Variants in RPS6 observed in about 807,000 individuals in gnomAD.
RPS6 encodes ribosomal protein S6.
A neutral mutation model predicts 27.1 loss-of-function variants in RPS6; 1 was observed. The observed-to-expected ratio is 0.04, with a 90% CI of 0.01 to 0.18. The LOEUF (loss-of-function observed/expected upper bound fraction) is 0.18. Among genes scored for constraint, RPS6 ranks in the 10% least tolerant of loss-of-function variants. The probability of loss-of-function intolerance (pLI) is 1.00; values close to 1 mark genes in which losing one functional copy is unlikely to be tolerated. For missense variants in RPS6, 259 were observed against 319.1 expected, an observed-to-expected ratio of 0.81 and a Z score of 1.44; for synonymous variants, 152 against 106.0, an observed-to-expected ratio of 1.43 and a Z score of -2.66.
At chr9:19,378,259 G>C in intron 4 of RPS6, 109 bp downstream of exon 4, 1 of 1,076,478 alleles carries the variant, frequency 9.3e-7, no homozygotes, top group African/African-American at 1.6e-5. Context: ...AACTCCAAGT[G>C]AATAGTGCTA....
In RPS6 at chr9:19,376,800, T is replaced by G. The variant is rs1175003511; in HGVS notation, c.497-149A>C. 3 of 649,152 alleles carry G rather than the reference T, an allele frequency of 4.6e-6. No individual in the cohort carries two copies. The South Asian group carries it at 9.0e-5, about 19-fold the overall frequency. The allele number at this position is 649,152 out of a possible 1,614,324, so 40.2% of individuals were successfully genotyped here. ...AAATCAAATCAGAACTATTCTAAAATGCTTTTTGCCCCTCCACAGAAATCT... is the reference window on the plus strand; with the variant it reads ...AAATCAAATCAGAACTATTCTAAAAGGCTTTTTGCCCCTCCACAGAAATCT... On this transcript the variant is annotated intron_variant, in intron 4 of 5. Transcript: ENST00000380394.
intron 2 of RPS6, chr9:19,379,188 C>T: frequency 1.0e-6 from 1 of 971,404 alleles, no homozygotes; most frequent in Non-Finnish European, 1.5e-6. Flanking sequence ...CAGCAACAAA[C>T]AAATCAGATA....
chr9:19,379,984 C>T, intron 1 of RPS6: 1 of 1,454,394 alleles, frequency 6.9e-7, no homozygotes, highest in Non-Finnish European at 9.0e-7. Flanking sequence ...CCATGGCGCT[C>T]CCGGCCCGCC....
intron 4 of RPS6, 163 bp from the exon 5 acceptor site, chr9:19,376,814 C>T (rs1589012405): frequency 1.8e-6 from 1 of 552,108 alleles, no homozygotes; most frequent in African/African-American, 1.9e-5. Context: ...TTTTGCCCCT[C>T]CACAGAAATC....
intron 4 of RPS6, among the ~76,000 whole-genome samples, chr9:19,377,855 T>C (rs759150242): frequency 6.6e-6 from 1 of 152,210 alleles, no homozygotes; most frequent in Non-Finnish European, 1.5e-5. Context: ...ACTTCTTTTG[T>C]AAGCCAAAAA....
Position 19,376,148 on chromosome 9 carries a change from T to G in RPS6, c.*145A>C. On this transcript the variant is annotated 3_prime_UTR_variant, in exon 6 of 6. Coordinates refer to ENST00000380394, the MANE Select transcript of RPS6 (RefSeq NM_001010.3). ...ACTACCACACACAATAGGTCTGACT[T>G]TATCCACCATTGGAATACCATATAT... 1 of 696,588 alleles carries G rather than the reference T, an allele frequency of 1.4e-6. No individual in the cohort carries two copies. Among genetic ancestry groups the G allele is most frequent in the Non-Finnish European group, 2.4e-6 (1 of 419,400 alleles). 43.2% of individuals were successfully genotyped at this position (696,588 alleles called of 1,614,324 possible).
At chr9:19,376,789 C>G (rs186166293) in intron 4 of RPS6, 138 bp from the exon 5 acceptor site, 2 of 741,470 alleles carry the variant, frequency 2.7e-6, no homozygotes, top group East Asian at 5.8e-5. Context: ...CAAATCAGAA[C>G]TATTCTAAAA....
At chr9:19,376,725 A>T in intron 4 of RPS6, 74 bp from the exon 5 acceptor site, 2 of 1,437,834 alleles carry the variant, frequency 1.4e-6, no homozygotes, top group Non-Finnish European at 9.5e-7. Context: ...AAACATCAGA[A>T]ATAAACGTAA....
In RPS6 at chr9:19,379,618, G is replaced by C. The variant is rs767919541; in HGVS notation, c.7C>G (p.Leu3Val). MK[L>V]NISFPATGCQ... ...CCAGTGGCTGGGAAGGAGATGTTCA[G>C]CTAAGGATTAAAAGGGGGGAAATAG... Residue 3 changes from leucine to valine, a missense_variant and splice_region_variant, in exon 2 of 6, where the codon CTG becomes GTG. Leu to Val is a conservative substitution (Grantham distance 32). This residue lies in a region of RPS6 where 65 missense variants were observed against 66.6 expected (regional missense o/e 0.98). Coordinates refer to ENST00000380394, the MANE Select transcript of RPS6 (RefSeq NM_001010.3). 2 of 1,612,918 alleles carry C rather than the reference G, an allele frequency of 1.2e-6. No homozygotes were observed. The highest frequency in any genetic ancestry group is 8.5e-7 in the Non-Finnish European group (1 of 1,179,382).
rs369511403 is a variant in RPS6 at position 19,380,206 on chromosome 9, C to G, written c.-11G>C. 5 of 1,614,170 alleles carry G rather than the reference C, an allele frequency of 3.1e-6. No individual in the cohort carries two copies. Among genetic ancestry groups the G allele is most frequent in the Middle Eastern group, 1.6e-4 (1 of 6,062 alleles). On this transcript the variant is annotated 5_prime_UTR_variant, in exon 1 of 6. Transcript: ENST00000380394. ...ATCACCTACCTTCATCTTGAAGCAG[C>G]TGAACGCCTCCGAGGCGCCACGGAA...
At position 19,376,347 on chromosome 9, in the gene RPS6, G is replaced by A; in HGVS notation, c.696C>T (p.Arg232=). The change falls in exon 6 of 6, where the codon CGC becomes CGT. Residue 232 remains arginine, a synonymous_variant. Coordinates refer to ENST00000380394, the MANE Select transcript of RPS6 (RefSeq NM_001010.3). ...EKRQEQIAKR[R]RLSSLRASTS... is the part of the protein sequence containing the mutation. ...TAGAAGCTCGCAGAGAGGAAAGTCTGCGTCTCTTCGCAATTTGTTCCTGGC... is the reference window on the plus strand; with the variant it reads ...TAGAAGCTCGCAGAGAGGAAAGTCTACGTCTCTTCGCAATTTGTTCCTGGC... 9 of 1,614,148 alleles carry A rather than the reference G, an allele frequency of 5.6e-6. No individual in the cohort carries two copies. Among genetic ancestry groups the A allele is most frequent in the Non-Finnish European group, 7.6e-6 (9 of 1,180,026 alleles).
At chr9:19,376,954 T>G (rs1241827065) in intron 4 of RPS6, 1 of 212,692 alleles carries the variant, frequency 4.7e-6, no homozygotes, top group Non-Finnish European at 9.4e-6. Context: ...CTGTGCATAG[T>G]TAATTTGTCT....
intron 1 of RPS6, 153 bp downstream of exon 1, chr9:19,380,037 G>A: frequency 6.4e-7 from 1 of 1,558,302 alleles, no homozygotes; most frequent in Non-Finnish European, 8.7e-7. Flanking sequence ...CGGCCAAAAA[G>A]CTCCATGCCC....
chr9:19,376,094 G>A lies in RPS6; in HGVS notation c.*199C>T. 2.1e-6 allele frequency: 1 copy of A among 483,968 alleles called. No individual in the cohort carries two copies. Among genetic ancestry groups the A allele is most frequent in the Non-Finnish European group, 3.6e-6 (1 of 275,976 alleles). 30.0% of individuals were successfully genotyped at this position (483,968 alleles called of 1,614,324 possible). A position where few individuals can be genotyped will look rare whatever the true frequency, so the allele number is the denominator to read the frequency against. On this transcript the variant is annotated 3_prime_UTR_variant, in exon 6 of 6. Coordinates refer to ENST00000380394, the MANE Select transcript of RPS6 (RefSeq NM_001010.3). ...TTCCTGTGCCACCCATCCCCTGAAA[G>A]GAACCCCTGTACACTGACCTTGTCT...
rs1333059701 is a variant in RPS6 at position 19,375,867 on chromosome 9, T to TAA, written c.*424_*425dup. On this transcript the variant is annotated 3_prime_UTR_variant, in exon 6 of 6. Transcript: ENST00000380394. ...GTATCCACTAAAACTAGGTATCCACTAAAACTATGCCTTAAAAGTTACCTT... is the reference window on the plus strand; with the variant it reads ...GTATCCACTAAAACTAGGTATCCACTAAAAAACTATGCCTTAAAAGTTACCTT... The TAA allele has an allele frequency of 6.9e-6, 1 of 144,900 alleles. No homozygotes were observed. Among genetic ancestry groups the TAA allele is most frequent in the African/African-American group, 2.7e-5 (1 of 36,416 alleles). The allele number at this position is 144,900 out of a possible 1,614,324, so 9.0% of individuals were successfully genotyped here.
chr9:19,378,596 G>C, intron 3 of RPS6, 82 bp from the exon 4 acceptor site: 1 of 1,576,464 alleles, frequency 6.3e-7, no homozygotes, highest in Non-Finnish European at 8.7e-7. Context: ...TTGAATTGAT[G>C]GTAGAGAAAC....
In RPS6 at chr9:19,376,256, C is replaced by A. The variant is rs746587364; in HGVS notation, c.*37G>T. 1.3e-6 allele frequency: 2 copies of A among 1,529,004 alleles called. No individual in the cohort carries two copies. The highest frequency in any genetic ancestry group is 1.2e-5 in the South Asian group (1 of 86,196). The allele number at this position is 1,529,004 out of a possible 1,614,324, so 94.7% of individuals were successfully genotyped here. ...TCAGCAATGAAAAGTCAACAGAGAT[C>A]AGAGTCTGATCTTATTTATTTGTTA... On this transcript the variant is annotated 3_prime_UTR_variant, in exon 6 of 6. Coordinates refer to ENST00000380394, the MANE Select transcript of RPS6 (RefSeq NM_001010.3).
At position 19,376,770 on chromosome 9, in the gene RPS6, C is replaced by A. The variant is rs1282671150; in HGVS notation, c.497-119G>T. On this transcript the variant is annotated intron_variant, in intron 4 of 5. Coordinates refer to ENST00000380394, the MANE Select transcript of RPS6 (RefSeq NM_001010.3). The stretch of plus-strand genomic sequence containing the variant: ...CATCTATGAAAACCTATAATGAGGC[C>A]TTTAAAATCAAATCAGAACTATTCT... 5.4e-6 allele frequency: 5 copies of A among 918,346 alleles called. No individual in the cohort carries two copies. The African/African-American group carries it at 6.7e-5, about 12-fold the overall frequency. The allele number at this position is 918,346 out of a possible 1,614,324, so 56.9% of individuals were successfully genotyped here.
Position 19,379,494 on chromosome 9 carries a change from T to C in RPS6, c.131A>G (p.Glu44Gly), listed in dbSNP as rs1271286833. Residue 44 changes from glutamate to glycine, a missense_variant, in exon 2 of 6, where the codon GAA (glutamate) becomes GGA (glycine). Physicochemically the swap from Glu to Gly is moderately conservative, Grantham distance 98 (BLOSUM62 -2). Transcript: ENST00000380394. ...TEVAADALGEEWKGYVVRISG... is the reference protein window; with the variant it reads ...TEVAADALGEGWKGYVVRISG... ...CAATTTGTCAACTTTTACCTTCCAT[T>C]CTTCACCCAGAGCGTCAGCAGCAAC... 1.9e-6 allele frequency: 3 copies of C among 1,614,040 alleles called. No homozygotes were observed. The highest frequency in any genetic ancestry group is 2.5e-6 in the Non-Finnish European group (3 of 1,180,040).
Sources: gnomAD v4.1 joint callset for allele counts (sites outside exome capture counted in the v4.1 genomes callset) on GRCh38, gnomAD v4.1.1 for gene constraint, gnomAD v4.1.1 regional missense constraint, MANE v1.5 for transcripts, NCBI Gene and HGNC (gene_info 2026-07-23, HGNC 2026-07-21) for gene names.